The following XRN1 variants were observed in gnomAD, a reference collection of about 807,000 sequenced individuals.
XRN1 encodes the protein strand-exchange protein 1 homolog.
Under a neutral mutation model 222.3 loss-of-function variants are expected in XRN1, and 67 were observed. That is an observed-to-expected ratio of 0.30 (90% confidence interval 0.25 to 0.37). The LOEUF (loss-of-function observed/expected upper bound fraction) is 0.37, where lower values mean the gene tolerates loss of function less well. Among genes scored for constraint, XRN1 ranks in the 10% least tolerant of loss-of-function variants. The pLI is 1.00. For missense variants in XRN1, 1,707 were observed against 2,000.2 expected, an observed-to-expected ratio of 0.85 and a Z score of 2.80; for synonymous variants, 643 against 652.4, an observed-to-expected ratio of 0.99 and a Z score of 0.22.
chr3:142,404,063 G>A, intron 16 of XRN1, 74 bp from the exon 17 acceptor site: 3 of 1,265,996 alleles, frequency 2.4e-6, no homozygotes, highest in Non-Finnish European at 3.3e-6. Flanking sequence ...ACTTTCCCTT[G>A]TATATTTCGT....
At chr3:142,339,650 T>C (rs547578221) in intron 33 of XRN1, among the ~76,000 whole-genome samples, 1 of 152,274 alleles carries the variant, frequency 6.6e-6, no homozygotes, top group East Asian at 1.9e-4. Flanking sequence ...TCAAAATAAC[T>C]GTTTTGGTCA....
In XRN1 at chr3:142,311,579, T is replaced by C; in HGVS notation, c.5017A>G (p.Ile1673Val). The C allele has an allele frequency of 1.2e-6, 2 of 1,613,700 alleles. No homozygotes were observed. Among genetic ancestry groups the C allele is most frequent in the Non-Finnish European group, 8.5e-7 (1 of 1,179,700 alleles). The change falls in exon 41 of 41, where the codon ATC becomes GTC. Residue 1673 changes from isoleucine to valine, a missense_variant. This residue lies in a region of XRN1 where 473 missense variants were observed against 482.0 expected (regional missense o/e 0.98). Coordinates refer to ENST00000392981, the MANE Select transcript of XRN1 (RefSeq NM_001282857.2). ...HSISHHKSTPISSSRRKSRKL... is the reference protein window; with the variant it reads ...HSISHHKSTPVSSSRRKSRKL... ...CTTGATTTTCTTCTTGAAGAAGAGA[T>C]TGGTGTTGACTTATGGTGAGATATA...
At chr3:142,390,949 C>T (rs1037505746) in intron 20 of XRN1, among the ~76,000 whole-genome samples, 8 of 152,010 alleles carry the variant, frequency 5.3e-5, no homozygotes, top group Non-Finnish European at 8.8e-5. Flanking sequence ...ACTAGGGGAC[C>T]GTTGGTTGGT....
chr3:142,432,966 G>A (rs2069694657), intron 1 of XRN1, 73 bp from the exon 2 acceptor site: 1 of 1,151,412 alleles, frequency 8.7e-7, no homozygotes, highest in South Asian at 1.5e-5. Flanking sequence ...GCAGGGAAAA[G>A]TGATTATTCA....
chr3:142,346,986 T>C (rs1052344157), intron 33 of XRN1, among the ~76,000 whole-genome samples: 1 of 152,224 alleles, frequency 6.6e-6, no homozygotes, highest in South Asian at 2.1e-4. Flanking sequence ...GAAAGTAAAC[T>C]ATGGGTTGCC....
At chr3:142,381,586 A>C (rs7623513) in intron 22 of XRN1, among the ~76,000 whole-genome samples, 15,991 of 94,012 alleles carry the variant, frequency 0.17, 1,022 homozygotes, top group African/African-American at 0.2. Flanking sequence ...TTTTTTTTTT[A>C]AGATAGAGTC....
chr3:142,351,405 T>C (rs1450691358), intron 32 of XRN1, among the ~76,000 whole-genome samples: 1 of 152,142 alleles, frequency 6.6e-6, no homozygotes, highest in Non-Finnish European at 1.5e-5. Context: ...TCAATTCAGA[T>C]GGAAACTGAG....
At chr3:142,442,103 G>A (rs2070243873) in intron 1 of XRN1, among the ~76,000 whole-genome samples, 1 of 152,090 alleles carries the variant, frequency 6.6e-6, no homozygotes, top group Non-Finnish European at 1.5e-5. Flanking sequence ...ACTAGAATTA[G>A]GAGAAGGAAA....
chr3:142,335,652 CATA>C, intron 33 of XRN1, 143 bp from the exon 34 acceptor site: 1 of 707,874 alleles, frequency 1.4e-6, no homozygotes, highest in Admixed American at 3.0e-5. Context: ...GAATTTATAA[CATA>C]GATAAGGGGG....
At chr3:142,416,746 T>A (rs2068803897) in intron 13 of XRN1, among the ~76,000 whole-genome samples, 1 of 152,010 alleles carries the variant, frequency 6.6e-6, no homozygotes. Context: ...TTACCATAAG[T>A]AGAGGCCGGG....
At chr3:142,370,758 G>A (rs1363570233) in intron 26 of XRN1, 138 bp from the exon 27 acceptor site, 2 of 640,886 alleles carry the variant, frequency 3.1e-6, no homozygotes, top group Non-Finnish European at 4.9e-6. Flanking sequence ...ATATAAATAT[G>A]GACATGTTAC....
At chr3:142,330,862 G>GA in intron 36 of XRN1, among the ~76,000 whole-genome samples, 1 of 152,168 alleles carries the variant, frequency 6.6e-6, no homozygotes, top group African/African-American at 2.4e-5. Context: ...GCTCGAGTGT[G>GA]ATGGCGTGAT....
Position 142,312,716 on chromosome 3 carries a change from G to A in XRN1, c.4664C>T (p.Pro1555Leu), listed in dbSNP as rs1364893636. ...PSSSHLFGSM[P>L]WGPSVPVPGK... ...AGGAACTGGCACCGATGGTCCCCAT[G>A]GCATTGAGCCAAAGAGATGAGACGA... Residue 1555 changes from proline (P) to leucine (L), a missense_variant, in exon 40 of 41, where the codon CCA (proline) becomes CTA (leucine). Pro to Leu is a moderately conservative substitution (Grantham distance 98, BLOSUM62 -3). Transcript: ENST00000392981. 6.2e-7 allele frequency: 1 copy of A among 1,613,572 alleles called. No homozygotes were observed. Among genetic ancestry groups the A allele is most frequent in the South Asian group, 1.1e-5 (1 of 91,048 alleles).
At chr3:142,398,591 T>C (rs1017402709) in intron 19 of XRN1, among the ~76,000 whole-genome samples, 3 of 152,098 alleles carry the variant, frequency 2.0e-5, no homozygotes, top group African/African-American at 4.8e-5. Flanking sequence ...GGTCTTGAAC[T>C]CCTGGCCTCA....
At chr3:142,442,875 G>C (rs369007380) in intron 1 of XRN1, among the ~76,000 whole-genome samples, 3 of 151,568 alleles carry the variant, frequency 2.0e-5, no homozygotes, top group East Asian at 2.0e-4. Context: ...CTGGGACTAC[G>C]GGCGCCCAAC....
intron 36 of XRN1, among the ~76,000 whole-genome samples, chr3:142,330,858 G>A (rs1005632143): frequency 2.0e-5 from 3 of 152,126 alleles, no homozygotes; most frequent in Non-Finnish European, 4.4e-5. Flanking sequence ...CCAGGCTCGA[G>A]TGTGATGGCG....
At chr3:142,353,749 A>C (rs2066381436) in intron 32 of XRN1, among the ~76,000 whole-genome samples, 1 of 152,200 alleles carries the variant, frequency 6.6e-6, no homozygotes, top group South Asian at 2.1e-4. Flanking sequence ...AGGAAATACC[A>C]CTTGGAGTAT....
At chr3:142,408,165 C>A (rs1183363095) in intron 15 of XRN1, among the ~76,000 whole-genome samples, 1 of 152,158 alleles carries the variant, frequency 6.6e-6, no homozygotes, top group African/African-American at 2.4e-5. Context: ...ACACCAACAC[C>A]CATAGGGGTA....
chr3:142,382,302 A>G (rs534924106), intron 22 of XRN1, among the ~76,000 whole-genome samples: 1 of 152,238 alleles, frequency 6.6e-6, no homozygotes, highest in East Asian at 1.9e-4. Context: ...ATGGTTGCAC[A>G]ATGGTTTTTC....
Sources: gnomAD v4.1 joint callset for allele counts (sites outside exome capture counted in the v4.1 genomes callset) on GRCh38, gnomAD v4.1.1 for gene constraint, gnomAD v4.1.1 regional missense constraint, MANE v1.5 for transcripts, NCBI Gene and HGNC (gene_info 2026-07-23, HGNC 2026-07-21) for gene names.